SNTG2: variants seen among roughly 807,000 people sequenced by gnomAD.
SNTG2 encodes the protein syntrophin gamma 2.
Under a neutral mutation model 70.9 loss-of-function variants are expected in SNTG2, and 74 were observed. The observed-to-expected ratio is 1.04, with a 90% CI of 0.86 to 1.27. The LOEUF (loss-of-function observed/expected upper bound fraction) is 1.27, where lower values mean the gene tolerates loss of function less well. Among genes scored for constraint, SNTG2 ranks in the 50% most tolerant of loss-of-function variants. SNTG2 has a pLI of 0.00. For synonymous variants in SNTG2, 278 were observed against 273.8 expected, an observed-to-expected ratio of 1.02 and a Z score of -0.15; for missense variants, 717 against 690.7, an observed-to-expected ratio of 1.04 and a Z score of -0.43.
rs13020814 is a variant in SNTG2 at position 996,658 on chromosome 2, T to C, written c.72+45590T>C. Among the ~76,000 whole-genome samples, 5 of 145,422 alleles carry C rather than the reference T, an allele frequency of 3.4e-5. No individual in the cohort carries two copies. In the Admixed American group the frequency reaches 3.5e-4, roughly 10 times the overall value. ...TAGCTTTGCTGATTTATATTGCTTGTATTTGAGTTACCCAGTTTTTTTTTT... is the reference window on the plus strand; with the variant it reads ...TAGCTTTGCTGATTTATATTGCTTGCATTTGAGTTACCCAGTTTTTTTTTT... On this transcript the variant is annotated intron_variant, in intron 1 of 16. Transcript: ENST00000308624.
chr2:1,029,625 C>G (rs1357708783), intron 1 of SNTG2, among the ~76,000 whole-genome samples: 1 of 152,236 alleles, frequency 6.6e-6, no homozygotes, highest in Non-Finnish European at 1.5e-5. Context: ...TGCGTGAGAG[C>G]ATGACCTTAC....
In SNTG2 at chr2:1,237,901, G is replaced by A. The variant is rs368357440; in HGVS notation, c.733G>A (p.Glu245Lys). 16 of 1,603,524 alleles carry A rather than the reference G, an allele frequency of 1.0e-5. No individual in the cohort carries two copies. The highest frequency in any genetic ancestry group is 2.3e-5 in the South Asian group (2 of 88,530). ...CTCCCTCCCCAGGTGGAATGCGTTC[G>A]AGGTGCTCGCCCTGGACGGAGTCAG... ...GTEKLRWNAF[E>K]VLALDGVSSG... The change falls in exon 10 of 17, where the codon GAG becomes AAG. Residue 245 changes from glutamate (E) to lysine (K), a missense_variant. By Grantham distance (56) the Glu-to-Lys change is moderately conservative (BLOSUM62 1). Transcript: ENST00000308624.
chr2:989,494 T>C (rs1428549916), intron 1 of SNTG2, among the ~76,000 whole-genome samples: 1 of 152,248 alleles, frequency 6.6e-6, no homozygotes, highest in Non-Finnish European at 1.5e-5. Context: ...TAGTCTGATA[T>C]GGTGTATCAC....
chr2:956,404 C>A (rs554193191), intron 1 of SNTG2, among the ~76,000 whole-genome samples: 3 of 152,380 alleles, frequency 2.0e-5, no homozygotes, highest in South Asian at 2.1e-4. Flanking sequence ...CCACTCACCC[C>A]GTGGCTGCAT....
At chr2:1,069,739 C>G (rs747326117) in intron 1 of SNTG2, among the ~76,000 whole-genome samples, 6 of 151,942 alleles carry the variant, frequency 3.9e-5, no homozygotes, top group Non-Finnish European at 8.8e-5. Flanking sequence ...TGCAGTGAGC[C>G]GAGATCGCAC....
intron 14 of SNTG2, among the ~76,000 whole-genome samples, chr2:1,291,372 A>G (rs562704137): frequency 2.6e-5 from 4 of 152,056 alleles, no homozygotes; most frequent in South Asian, 2.1e-4. Context: ...CTGTTTGTCT[A>G]TTTTTTTGGT....
At chr2:1,292,352 C>T (rs1680028569) in intron 14 of SNTG2, among the ~76,000 whole-genome samples, 1 of 152,068 alleles carries the variant, frequency 6.6e-6, no homozygotes. Flanking sequence ...TTTTTCTTCA[C>T]AGTTGCTGTA....
intron 9 of SNTG2, among the ~76,000 whole-genome samples, chr2:1,232,881 GCA>G (rs35266810): frequency 5.9e-5 from 9 of 151,416 alleles, no homozygotes; most frequent in Non-Finnish European, 8.8e-5. Flanking sequence ...ACACACACAT[GCA>G]CACACACACA....
At chr2:965,910 G>A (rs539863306) in intron 1 of SNTG2, among the ~76,000 whole-genome samples, 1 of 152,264 alleles carries the variant, frequency 6.6e-6, no homozygotes, top group East Asian at 1.9e-4. Context: ...GGCTGACCCT[G>A]GACCCACAGA....
rs1164337731 is a variant in SNTG2 at position 1,259,426 on chromosome 2, ATTTAAAGT to A, written c.1064_1071del (p.Phe355SerfsTer23). Reference sequence around the variant, plus strand: ...GGACCTATCACCTCTGTGAGGTGCTATTTAAAGTTCACAAGGTAGGTATCTTTTGCACT... The same window carrying A: ...GGACCTATCACCTCTGTGAGGTGCTATCACAAGGTAGGTATCTTTTGCACT... On this transcript the variant is annotated frameshift_variant, in exon 13 of 17. Coordinates refer to ENST00000308624, the MANE Select transcript of SNTG2 (RefSeq NM_018968.4). LOFTEE classifies it high-confidence loss of function. The A allele has an allele frequency of 2.5e-6, 4 of 1,613,946 alleles. No individual in the cohort carries two copies. The South Asian group carries it at 4.4e-5, about 18-fold the overall frequency.
chr2:1,174,792 C>CTGTTTCTAT (rs1427505614), intron 8 of SNTG2, among the ~76,000 whole-genome samples: 2 of 152,102 alleles, frequency 1.3e-5, no homozygotes, highest in Non-Finnish European at 2.9e-5. Flanking sequence ...GTTTTGTTTA[C>CTGTTTCTAT]TGTTTCTATT....
In SNTG2 at chr2:1,104,614, C is replaced by T. The variant is rs147991421; in HGVS notation, c.325+6204C>T. On this transcript the variant is annotated intron_variant, in intron 4 of 16. Coordinates refer to ENST00000308624, the MANE Select transcript of SNTG2 (RefSeq NM_018968.4). ...GAGAAAGGAAAAACTCACTTGTCAGCGTGGCCCAAGCCCTGCCGTGGGTCC... is the reference window on the plus strand; with the variant it reads ...GAGAAAGGAAAAACTCACTTGTCAGTGTGGCCCAAGCCCTGCCGTGGGTCC... 5.3e-3 allele frequency among the ~76,000 whole-genome samples: 803 copies of T among 152,306 alleles called. 2 individuals carry two copies. Among genetic ancestry groups the T allele is most frequent in the Non-Finnish European group, 9.4e-3 (641 of 68,032 alleles).
At position 1,024,949 on chromosome 2, in the gene SNTG2, G is replaced by A. The variant is rs149327539; in HGVS notation, c.73-58569G>A. ...CTATGGGATAATGAAATAAATGGCA[G>A]GATATAATGTTAGTTATTTTGAAAT... On this transcript the variant is annotated intron_variant, in intron 1 of 16. Coordinates refer to ENST00000308624, the MANE Select transcript of SNTG2 (RefSeq NM_018968.4). Among the ~76,000 whole-genome samples the A allele has an allele frequency of 6.9e-3, 1,046 of 152,258 alleles. 8 individuals carry two copies. The highest frequency in any genetic ancestry group is 0.02 in the South Asian group (97 of 4,820).
At chr2:1,047,964 T>C (rs1441912325) in intron 1 of SNTG2, among the ~76,000 whole-genome samples, 1 of 152,180 alleles carries the variant, frequency 6.6e-6, no homozygotes, top group Non-Finnish European at 1.5e-5. Context: ...TCAACAGATA[T>C]AGGAAATTCC....
At chr2:1,048,703 G>T (rs78487150) in intron 1 of SNTG2, among the ~76,000 whole-genome samples, 1,993 of 152,266 alleles carry the variant, frequency 0.013, 10 homozygotes, top group Non-Finnish European at 0.022. Flanking sequence ...GAGTGGAATT[G>T]CAGCTTGAAT....
chr2:1,361,633 G>A lies in SNTG2; in HGVS notation c.1489-5710G>A, dbSNP rs537154617. ...CTGAGCATTTCAGTAGAACTTCCAC[G>A]AAGGTCACCGATGCTGAGCATTTCA... On this transcript the variant is annotated intron_variant, in intron 16 of 16. Transcript: ENST00000308624. Among the ~76,000 whole-genome samples, 11 of 152,196 alleles carry A rather than the reference G, an allele frequency of 7.2e-5. No homozygotes were observed. The East Asian group carries it at 1.7e-3, about 24-fold the overall frequency.
At chr2:1,103,216 A>C (rs1445238653) in intron 4 of SNTG2, among the ~76,000 whole-genome samples, 1 of 152,114 alleles carries the variant, frequency 6.6e-6, no homozygotes, top group African/African-American at 2.4e-5. Context: ...GTGAGATTGT[A>C]TATTTTGGGG....
chr2:1,156,139 A>C (rs1223012962), intron 6 of SNTG2, among the ~76,000 whole-genome samples: 1 of 152,190 alleles, frequency 6.6e-6, no homozygotes, highest in Non-Finnish European at 1.5e-5. Context: ...TGGATGTTGC[A>C]CTAAGGAAGG....
chr2:958,700 T>TA (rs1660250390), intron 1 of SNTG2, among the ~76,000 whole-genome samples: 1 of 152,180 alleles, frequency 6.6e-6, no homozygotes, highest in Non-Finnish European at 1.5e-5. Context: ...TCTTTTTTTT[T>TA]AAAGTGGTTC....
Sources: gnomAD v4.1 joint callset for allele counts (sites outside exome capture counted in the v4.1 genomes callset) on GRCh38, gnomAD v4.1.1 for gene constraint, MANE v1.5 for transcripts, NCBI Gene and HGNC (gene_info 2026-07-23, HGNC 2026-07-21) for gene names.